Variants in CCDC9B observed in about 807,000 individuals in gnomAD.
CCDC9B encodes coiled-coil domain-containing protein 9B.
A neutral mutation model predicts 47.2 loss-of-function variants in CCDC9B; 40 were observed. The observed-to-expected ratio is 0.85, with a 90% confidence interval of 0.66 to 1.10. CCDC9B has a LOEUF of 1.10. Among genes scored for constraint, CCDC9B ranks in the 50% least tolerant of loss-of-function variants. CCDC9B has a pLI of 0.00. For missense variants in CCDC9B, 662 were observed against 651.0 expected (o/e 1.02, Z -0.18); for synonymous variants, 238 against 250.7 (o/e 0.95, Z 0.48).
intron 1 of CCDC9B, chr15:40,340,279 CT>C: frequency 2.0e-6 from 1 of 496,094 alleles, no homozygotes; most frequent in South Asian, 2.8e-5. Context: ...TGGGGTGCCC[CT>C]CCCCCAGCTC....
In CCDC9B at chr15:40,337,694, A is replaced by G. The variant is rs760864749; in HGVS notation, c.683+30T>C. On this transcript the variant is annotated intron_variant, in intron 6 of 10. Transcript: ENST00000397536. ...CCCGAAGCCAGCTCCATCCCGCACC[A>G]CAGGCAACCTGCCCAACCCAGCCAC... 2.6e-6 allele frequency: 4 copies of G among 1,566,744 alleles called. No homozygotes were observed. The Admixed American group carries it at 7.1e-5, about 28-fold the overall frequency.
intron 3 of CCDC9B, 101 bp from the exon 4 acceptor site, chr15:40,339,004 C>T (rs757680841): frequency 2.3e-6 from 3 of 1,292,626 alleles, no homozygotes; most frequent in Non-Finnish European, 3.3e-6. Context: ...AACCCCAGCC[C>T]TCCCTGCATT....
rs1223555554 is a variant in CCDC9B, at chr15:40,337,840, C to A, written c.567G>T (p.Trp189Cys). 1 of 1,609,456 alleles carries A rather than the reference C, an allele frequency of 6.2e-7. No homozygotes were observed. Among genetic ancestry groups the A allele is most frequent in the East Asian group, 2.2e-5 (1 of 44,842 alleles). ...RPVGEPPEAG[W>C]DYAQWKQERE... ...GCTCCTGCTTCCACTGGGCATAGTC[C>A]CAGCCCGCCTCCGGGGGCTCCCCCA... The change falls in exon 6 of 11, where the codon TGG (tryptophan) becomes TGT (cysteine). Residue 189 changes from tryptophan to cysteine, a missense_variant. Trp to Cys is a radical substitution (Grantham distance 215). Transcript: ENST00000397536.
At chr15:40,336,004 C>T in intron 9 of CCDC9B, 178 bp from the exon 10 acceptor site, 1 of 985,402 alleles carries the variant, frequency 1.0e-6, no homozygotes, top group Non-Finnish European at 1.2e-6. Context: ...CAGACTCTCC[C>T]TAGAGCCCCA....
chr15:40,337,860 C>T lies in CCDC9B; in HGVS notation c.547G>A (p.Glu183Lys), dbSNP rs953586783. 1 of 1,604,548 alleles carries T rather than the reference C, an allele frequency of 6.2e-7. No individual in the cohort carries two copies. The highest frequency in any genetic ancestry group is 1.1e-5 in the South Asian group (1 of 89,740). Residue 183 changes from glutamate (E) to lysine (K), a missense_variant, in exon 6 of 11, where the codon GAG (glutamate) becomes AAG (lysine). Coordinates refer to ENST00000397536, the MANE Select transcript of CCDC9B (RefSeq NM_207380.3). The part of the protein sequence containing the change: ...SWEPWSRPVG[E>K]PPEAGWDYAQ... The stretch of plus-strand genomic sequence containing the variant: ...TAGTCCCAGCCCGCCTCCGGGGGCT[C>T]CCCCACCGGCCGGCTCCAGGGCTCC...
intron 7 of CCDC9B, chr15:40,337,117 T>G: frequency 1.6e-6 from 1 of 623,096 alleles, no homozygotes; most frequent in East Asian, 2.7e-5. Context: ...CTTTCACCCT[T>G]TAGGGACCTC....
rs763745528 is a variant in CCDC9B, at chr15:40,335,267, T to C, written c.1364A>G (p.Gln455Arg). The C allele has an allele frequency of 6.2e-7, 1 of 1,605,876 alleles. No homozygotes were observed. Among genetic ancestry groups the C allele is most frequent in the Non-Finnish European group, 8.5e-7 (1 of 1,174,818 alleles). ...EDRSGKSGAQQGLAPRSRPTR... is the reference protein window; with the variant it reads ...EDRSGKSGAQRGLAPRSRPTR... ...GGGCCGGCTTCTCGGGGCCAGGCCC[T>C]GCTGGGCCCCAGACTTGCCAGACCT... Residue 455 changes from glutamine (Q) to arginine (R), a missense_variant, in exon 11 of 11, where the codon CAG (glutamine) becomes CGG (arginine). Coordinates refer to ENST00000397536, the MANE Select transcript of CCDC9B (RefSeq NM_207380.3).
Position 40,333,731 on chromosome 15 carries a change from G to C in CCDC9B, c.*1427C>G, listed in dbSNP as rs777289312. 1 of 694,794 alleles carries C rather than the reference G, an allele frequency of 1.4e-6. No individual in the cohort carries two copies. Among genetic ancestry groups the C allele is most frequent in the Non-Finnish European group, 1.8e-6 (1 of 565,404 alleles). The allele number at this position is 694,794 out of a possible 1,614,324, so 43.0% of individuals were successfully genotyped here. ...ATAGAGGGGTGGGGTGGAGTTGAGAGCCAGTGAGGAAGGCTGAGCTGGGAC... is the reference window on the plus strand; with the variant it reads ...ATAGAGGGGTGGGGTGGAGTTGAGACCCAGTGAGGAAGGCTGAGCTGGGAC... On this transcript the variant is annotated 3_prime_UTR_variant, in exon 11 of 11. Transcript: ENST00000397536.
intron 3 of CCDC9B, 48 bp from the exon 4 acceptor site, chr15:40,338,951 C>A (rs773230688): frequency 1.2e-6 from 2 of 1,609,084 alleles, no homozygotes; most frequent in South Asian, 2.2e-5. Context: ...TGGGCAGGAC[C>A]TGGGTGCTGG....
chr15:40,335,889 C>T, intron 9 of CCDC9B, 63 bp from the exon 10 acceptor site: 1 of 1,570,540 alleles, frequency 6.4e-7, no homozygotes, highest in Non-Finnish European at 8.6e-7. Context: ...GTCCCCCTGC[C>T]TGAATAGAGG....
Position 40,335,656 on chromosome 15 carries a change from G to A in CCDC9B, c.975C>T (p.Ala325=). Residue 325 remains alanine, a synonymous_variant, in exon 11 of 11, where the codon GCC becomes GCT. Transcript: ENST00000397536. ...TRETPSEEEQ[A]QKQSGMEQGR... ...CCTGCTCCATCCCGCTCTGCTTCTG[G>A]GCTTGCTCCTCCTCACTGGGAGTCT... The A allele has an allele frequency of 6.5e-7, 1 of 1,537,518 alleles. No homozygotes were observed. Among genetic ancestry groups the A allele is most frequent in the African/African-American group, 1.4e-5 (1 of 73,214 alleles).
chr15:40,340,045 C>A, intron 1 of CCDC9B, 30 bp from the exon 2 acceptor site: 8 of 1,437,056 alleles, frequency 5.6e-6, no homozygotes, highest in East Asian at 2.3e-5. Flanking sequence ...AAGCTCCTGA[C>A]TTCCGGGTCC....
In CCDC9B at chr15:40,333,693, C is replaced by T. The variant is rs1055071835; in HGVS notation, c.*1465G>A. 4.1e-5 allele frequency: 19 copies of T among 465,826 alleles called. No individual in the cohort carries two copies. The highest frequency in any genetic ancestry group is 5.1e-5 in the Non-Finnish European group (18 of 355,812). The allele number at this position is 465,826 out of a possible 1,614,324, so 28.9% of individuals were successfully genotyped here. A position where few individuals can be genotyped will look rare whatever the true frequency, so the allele number is the denominator to read the frequency against. On this transcript the variant is annotated 3_prime_UTR_variant, in exon 11 of 11. Transcript: ENST00000397536. ...AGTCTGGTCTGCTAAAGAGATGCCC[C>T]TCACCTTCCTGAATAGAGGGGTGGG...
At chr15:40,336,244 C>G (rs1888956754) in intron 9 of CCDC9B, 1 of 985,446 alleles carries the variant, frequency 1.0e-6, no homozygotes, top group African/African-American at 1.7e-5. Context: ...TGGGCCCATC[C>G]TGGGTCCCCA....
chr15:40,338,583 G>A lies in CCDC9B; in HGVS notation c.465C>T (p.Thr155=). 6.2e-7 allele frequency: 1 copy of A among 1,614,134 alleles called. No individual in the cohort carries two copies. The highest frequency in any genetic ancestry group is 8.5e-7 in the Non-Finnish European group (1 of 1,180,014). Residue 155 remains threonine, a synonymous_variant, in exon 5 of 11, where the codon ACC becomes ACT. Coordinates refer to ENST00000397536, the MANE Select transcript of CCDC9B (RefSeq NM_207380.3). The stretch of plus-strand genomic sequence containing the variant: ...TGGCCACCTGCGTGGGGGGGCTTCG[G>A]GTCACACGCCCTCCAGGTGACCCCT... ...GIEGSPGGRV[T]RSPPTQVAIS... is the part of the protein sequence containing the mutation.
Position 40,335,375 on chromosome 15 carries a change from C to T in CCDC9B, c.1256G>A (p.Trp419Ter). 1 of 1,613,330 alleles carries T rather than the reference C, an allele frequency of 6.2e-7. No individual in the cohort carries two copies. Among genetic ancestry groups the T allele is most frequent in the Non-Finnish European group, 8.5e-7 (1 of 1,179,878 alleles). Residue 419 changes from tryptophan to a stop codon, truncating the protein, a stop_gained, in exon 11 of 11, where the codon TGG becomes TAG. Coordinates refer to ENST00000397536, the MANE Select transcript of CCDC9B (RefSeq NM_207380.3). LOFTEE classifies it low-confidence loss of function (END_TRUNC). ...PEGSKQQPLGWSNHQAELEVQ... is the reference protein window; with the variant it reads ...PEGSKQQPLG ...TTCCAGCTCAGCCTGGTGATTGCTC[C>T]ACCCCAGGGGCTGCTGCTTAGAGCC...
chr15:40,338,192 G>A (rs2141248202), intron 5 of CCDC9B: 1 of 714,304 alleles, frequency 1.4e-6, no homozygotes, highest in Non-Finnish European at 2.6e-6. Flanking sequence ...GGCCCTGGAA[G>A]CTGTGAGCAA....
intron 1 of CCDC9B, chr15:40,340,268 G>A (rs911408717): frequency 4.1e-5 from 21 of 515,688 alleles, no homozygotes; most frequent in Non-Finnish European, 4.8e-5. Flanking sequence ...GCTCCCAGCA[G>A]TGGGGTGCCC....
Position 40,335,490 on chromosome 15 carries a change from C to A in CCDC9B, c.1141G>T (p.Gly381Ter), listed in dbSNP as rs765834897. The change falls in exon 11 of 11, where the codon GGA (glycine) becomes TGA (stop). Residue 381 changes from glycine (G) to a stop codon, truncating the protein, a stop_gained. Transcript: ENST00000397536. LOFTEE classifies it low-confidence loss of function (END_TRUNC). The stretch of plus-strand genomic sequence containing the variant: ...CTGGGCCCAGGGATGCCAGCCCCTC[C>A]TAGGGAGAGGTCAAGAGGAGCCAAG... The part of the protein sequence containing the change: ...PDLAPLDLSL[G>*]GAGIPGPRES... 2 of 1,584,900 alleles carry A rather than the reference C, an allele frequency of 1.3e-6. No homozygotes were observed. Among genetic ancestry groups the A allele is most frequent in the Non-Finnish European group, 1.7e-6 (2 of 1,163,574 alleles).
Sources: gnomAD v4.1 joint callset for allele counts on GRCh38, gnomAD v4.1.1 for gene constraint, MANE v1.5 for transcripts, NCBI Gene and HGNC (gene_info 2026-07-23, HGNC 2026-07-21) for gene names.